The following MSI1 variants were observed in gnomAD, a reference collection of about 807,000 sequenced individuals.
The protein encoded by MSI1 is musashi RNA binding protein 1.
MSI1 carries 15 observed loss-of-function variants against 54.4 expected under a neutral mutation model. That is an observed-to-expected ratio of 0.28 (90% CI 0.18 to 0.42). MSI1 has a LOEUF of 0.42. MSI1 is among the 20% of genes least tolerant of loss of function. MSI1 has a pLI of 1.00. For synonymous variants in MSI1, 200 were observed against 196.5 expected, an observed-to-expected ratio of 1.02 and a Z score of -0.15; for missense variants, 304 against 506.0, an observed-to-expected ratio of 0.60 and a Z score of 3.83.
At chr12:120,355,322 G>C (rs368550140) in intron 9 of MSI1, among the ~76,000 whole-genome samples, 1 of 150,824 alleles carries the variant, frequency 6.6e-6, no homozygotes, top group South Asian at 2.1e-4. Context: ...GGAGAATGGC[G>C]TGAACCCAGG....
chr12:120,353,465 C>T (rs1874820452), intron 9 of MSI1, 86 bp from the exon 10 acceptor site: 2 of 1,167,604 alleles, frequency 1.7e-6, no homozygotes, highest in Admixed American at 3.5e-5. Flanking sequence ...CTCATGTCCC[C>T]TCACCTTCCT....
chr12:120,366,182 C>T (rs1243500201), intron 4 of MSI1, among the ~76,000 whole-genome samples: 2 of 152,202 alleles, frequency 1.3e-5, no homozygotes, highest in African/African-American at 4.8e-5. Flanking sequence ...ACCAGCCAAT[C>T]GCAGGGAAGA....
chr12:120,340,806 ACT>A (rs1873638921), downstream of MSI1, among the ~76,000 whole-genome samples: 1 of 149,600 alleles, frequency 6.7e-6, no homozygotes, highest in East Asian at 2.0e-4. Flanking sequence ...GAGCAACCAC[ACT>A]CTGCCTTCAT....
At chr12:120,348,479 T>C (rs905470752) in intron 11 of MSI1, among the ~76,000 whole-genome samples, 10 of 152,108 alleles carry the variant, frequency 6.6e-5, no homozygotes, top group African/African-American at 2.2e-4. Context: ...AGGCGGCCCC[T>C]TGTCCCCAAC....
At chr12:120,339,719 T>A (rs1463772032), downstream of MSI1, among the ~76,000 whole-genome samples, 1 of 151,748 alleles carries the variant, frequency 6.6e-6, no homozygotes, top group African/African-American at 2.4e-5. Context: ...AAAGGCAACA[T>A]CCTTATCTTC....
intron 4 of MSI1, among the ~76,000 whole-genome samples, chr12:120,365,349 T>C (rs1875950724): frequency 6.6e-6 from 1 of 152,104 alleles, no homozygotes; most frequent in South Asian, 2.1e-4. Flanking sequence ...GGGCAAATAA[T>C]AACACCCACC....
At chr12:120,363,851 G>A (rs946959963) in intron 5 of MSI1, among the ~76,000 whole-genome samples, 2 of 152,134 alleles carry the variant, frequency 1.3e-5, no homozygotes, top group Non-Finnish European at 2.9e-5. Context: ...CAGGAGTTGG[G>A]GGACTTGATG....
At chr12:120,358,658 G>A (rs1341326715) in intron 7 of MSI1, among the ~76,000 whole-genome samples, 2 of 152,056 alleles carry the variant, frequency 1.3e-5, no homozygotes, top group African/African-American at 4.8e-5. Flanking sequence ...ACTGCCTGGG[G>A]CTGTGGAGTC....
Position 120,368,061 on chromosome 12 carries a change from C to T in MSI1, c.214G>A (p.Ala72Thr), listed in dbSNP as rs1228479601. Residue 72 changes from alanine (A) to threonine (T), a missense_variant, in exon 4 of 15, where the codon GCG becomes ACG. This residue lies in a region of MSI1 where 105 missense variants were observed against 230.1 expected (regional missense o/e 0.46). Coordinates refer to ENST00000257552, the MANE Select transcript of MSI1 (RefSeq NM_002442.4). The surrounding 1 kb of genome is among the most constrained non-coding windows in gnomAD (Gnocchi z 6.6). ...TGCGCCAGCACTTTATCCACCCCCG[C>T]CTGGTCCATGAAAGTGACGAAGCCG... Reference protein sequence around the residue: ...GFGFVTFMDQAGVDKVLAQSR... With the variant: ...GFGFVTFMDQTGVDKVLAQSR... 6.2e-7 allele frequency: 1 copy of T among 1,613,722 alleles called. No individual in the cohort carries two copies. The highest frequency in any genetic ancestry group is 8.5e-7 in the Non-Finnish European group (1 of 1,179,938).
chr12:120,362,598 A>T (rs1875745559), intron 6 of MSI1, among the ~76,000 whole-genome samples: 1 of 152,048 alleles, frequency 6.6e-6, no homozygotes, highest in Non-Finnish European at 1.5e-5. Flanking sequence ...CCACCTGTGC[A>T]AATAGGGTGC....
chr12:120,367,677 A>G (rs912960425), intron 4 of MSI1, among the ~76,000 whole-genome samples: 1 of 151,924 alleles, frequency 6.6e-6, no homozygotes, highest in South Asian at 2.1e-4. Flanking sequence ...GACTCACCCA[A>G]TTTGGGCTGG....
intron 14 of MSI1, among the ~76,000 whole-genome samples, chr12:120,343,557 C>T (rs1873865974): frequency 6.6e-6 from 1 of 152,150 alleles, no homozygotes; most frequent in South Asian, 2.1e-4. Flanking sequence ...GGTTGGATGC[C>T]TCTTTCCCCA....
chr12:120,345,436 A>G (rs1874029686), intron 14 of MSI1, 134 bp downstream of exon 14: 2 of 716,796 alleles, frequency 2.8e-6, no homozygotes, highest in Non-Finnish European at 4.7e-6. Context: ...TATTGACCAC[A>G]GCTGGTATAA....
downstream of MSI1, among the ~76,000 whole-genome samples, chr12:120,340,951 TCTC>T (rs1873647138): frequency 6.8e-6 from 1 of 146,104 alleles, no homozygotes; most frequent in South Asian, 2.2e-4. Flanking sequence ...GGTGGCATGA[TCTC>T]AGCTCACCGC....
Position 120,369,144 on chromosome 12 carries a change from G to A in MSI1, c.-53C>T, listed in dbSNP as rs1455484209. ...GAGCGGCGGCGGCGGCGGCGGCGGC[G>A]GCGCTCGGCGCGGGGCAGATGAGGA... is the stretch of plus-strand genomic sequence containing the variant. On this transcript the variant is annotated 5_prime_UTR_variant, in exon 1 of 15. Transcript: ENST00000257552. 1 of 1,000,318 alleles carries A rather than the reference G, an allele frequency of 1.0e-6. No homozygotes were observed. Among genetic ancestry groups the A allele is most frequent in the Non-Finnish European group, 1.2e-6 (1 of 844,534 alleles). 62.0% of individuals were successfully genotyped at this position (1,000,318 alleles called of 1,614,324 possible). A position where few individuals can be genotyped will look rare whatever the true frequency, so the allele number is the denominator to read the frequency against.
intron 11 of MSI1, among the ~76,000 whole-genome samples, chr12:120,349,913 GACTT>G (rs1387175095): frequency 6.6e-6 from 1 of 152,236 alleles, no homozygotes; most frequent in Non-Finnish European, 1.5e-5. Flanking sequence ...TGTAAAGAAT[GACTT>G]ATTTATATAA....
chr12:120,352,588 C>T (rs6490289), intron 10 of MSI1, among the ~76,000 whole-genome samples: 30 of 152,040 alleles, frequency 2.0e-4, no homozygotes, highest in African/African-American at 4.3e-4. Flanking sequence ...AATTAGGCAA[C>T]GTCCCGTACA....
At position 120,368,705 on chromosome 12, in the gene MSI1, G is replaced by T; in HGVS notation, c.100+128C>A. 2 of 856,690 alleles carry T rather than the reference G, an allele frequency of 2.3e-6. No homozygotes were observed. The highest frequency in any genetic ancestry group is 3.1e-6 in the Non-Finnish European group (2 of 654,174). 53.1% of individuals were successfully genotyped at this position (856,690 alleles called of 1,614,324 possible). On this transcript the variant is annotated intron_variant, in intron 2 of 14. Transcript: ENST00000257552. This position sits in a 1 kb window ranked among gnomAD's most constrained non-coding sequence, Gnocchi z 6.6. ...TGCGCTCTCGGGGTCTCCGGGCGGGGCGCGAAAGAGGGCGCGAGGGCGCCC... is the reference window on the plus strand; with the variant it reads ...TGCGCTCTCGGGGTCTCCGGGCGGGTCGCGAAAGAGGGCGCGAGGGCGCCC...
intron 14 of MSI1, among the ~76,000 whole-genome samples, chr12:120,344,015 C>T (rs1873909483): frequency 6.6e-6 from 1 of 152,106 alleles, no homozygotes; most frequent in African/African-American, 2.4e-5. Context: ...CACCATCACG[C>T]CAGCCAAGTT....
Sources: gnomAD v4.1 joint callset for allele counts (sites outside exome capture counted in the v4.1 genomes callset) on GRCh38, gnomAD v4.1.1 for gene constraint, gnomAD v4.1.1 regional missense constraint, Gnocchi (gnomAD v3.1) non-coding constraint, MANE v1.5 for transcripts, NCBI Gene and HGNC (gene_info 2026-07-23, HGNC 2026-07-21) for gene names.